Variants in MAPK10 observed in about 807,000 individuals in gnomAD.
The protein encoded by MAPK10 is mitogen-activated protein kinase 10, also known as JNK3 alpha protein kinase.
A neutral mutation model predicts 59.3 loss-of-function variants in MAPK10; 25 were observed. The observed-to-expected ratio is 0.42, with a 90% CI of 0.31 to 0.59. The LOEUF is 0.59. Ranked by LOEUF, MAPK10 falls within the 20% of genes least tolerant of loss-of-function variation. The probability of loss-of-function intolerance (pLI) is 0.15; values close to 1 mark genes in which losing one functional copy is unlikely to be tolerated. For missense variants in MAPK10, 351 were observed against 568.9 expected (o/e 0.62, Z 3.90); for synonymous variants, 190 against 200.5 (o/e 0.95, Z 0.44).
rs550078541 is a variant in MAPK10, at chr4:86,309,589, G to A, written c.-7+44941C>T. Among the ~76,000 whole-genome samples the A allele has an allele frequency of 3.1e-4, 47 of 152,196 alleles. No homozygotes were observed. In the South Asian group the frequency reaches 8.5e-3, roughly 28 times the overall value. On this transcript the variant is annotated intron_variant, in intron 2 of 13. Coordinates refer to ENST00000641462, the MANE Select transcript of MAPK10 (RefSeq NM_138982.4). ...TCTGGCTATAACCTAGAAATCGTTC[G>A]TGGTGGTCAAAAGTATGCCCCCAGA...
At chr4:86,238,365 T>C (rs1030894521) in intron 2 of MAPK10, among the ~76,000 whole-genome samples, 5 of 152,184 alleles carry the variant, frequency 3.3e-5, no homozygotes, top group Non-Finnish European at 7.4e-5. Flanking sequence ...TAAAATAGTT[T>C]TTTTCTAATT....
intron 3 of MAPK10, chr4:86,164,608 G>A (rs1033302567): frequency 6.9e-6 from 1 of 145,768 alleles, no homozygotes; most frequent in Non-Finnish European, 1.5e-5. Context: ...TTTTTAGTGA[G>A]TCACAGAAAT....
At chr4:86,249,056 A>C (rs1000420325) in intron 2 of MAPK10, among the ~76,000 whole-genome samples, 1 of 152,204 alleles carries the variant, frequency 6.6e-6, no homozygotes. Flanking sequence ...AGAAATCTAA[A>C]TAGGCCCAAG....
At chr4:86,533,127 T>C (rs1439460383) in intron 1 of MAPK10, among the ~76,000 whole-genome samples, 3 of 152,164 alleles carry the variant, frequency 2.0e-5, no homozygotes, top group African/African-American at 2.4e-5. Context: ...AAAAACATTA[T>C]GCTAAGTGAA....
chr4:86,103,837 T>C (rs115850152), intron 5 of MAPK10, among the ~76,000 whole-genome samples: 71 of 152,168 alleles, frequency 4.7e-4, no homozygotes, highest in Middle Eastern at 3.4e-3. Context: ...AAAAGCTTTT[T>C]GTTTCCTGCT....
chr4:86,109,690 G>A (rs2057144746), intron 4 of MAPK10, among the ~76,000 whole-genome samples: 1 of 152,122 alleles, frequency 6.6e-6, no homozygotes, highest in African/African-American at 2.4e-5. Context: ...GCGCTGCAAT[G>A]GACATATGCA....
At chr4:86,207,889 A>T (rs1002480409) in intron 2 of MAPK10, among the ~76,000 whole-genome samples, 15 of 149,074 alleles carry the variant, frequency 1.0e-4, no homozygotes, top group African/African-American at 3.6e-4. Flanking sequence ...ATTTTTGTAC[A>T]TTGATTTTGT....
intron 1 of MAPK10, among the ~76,000 whole-genome samples, chr4:86,417,730 C>T (rs933114445): frequency 2.0e-5 from 3 of 152,126 alleles, no homozygotes; most frequent in African/African-American, 7.2e-5. Flanking sequence ...TTACAAGATC[C>T]CACTGGATTT....
intron 2 of MAPK10, among the ~76,000 whole-genome samples, chr4:86,218,491 C>A (rs1476027422): frequency 2.2e-5 from 3 of 138,130 alleles, no homozygotes; most frequent in African/African-American, 8.0e-5. Context: ...AAAAGTTCAA[C>A]ATTTTAAATT....
At chr4:86,334,468 C>T (rs1293003641) in intron 2 of MAPK10, among the ~76,000 whole-genome samples, 1 of 152,114 alleles carries the variant, frequency 6.6e-6, no homozygotes, top group Non-Finnish European at 1.5e-5. Flanking sequence ...ACTTAAAAGT[C>T]TTCCATGTCA....
chr4:86,407,405 GA>G (rs1331687786), intron 1 of MAPK10, among the ~76,000 whole-genome samples: 1 of 152,064 alleles, frequency 6.6e-6, no homozygotes, highest in Non-Finnish European at 1.5e-5. Context: ...ACTTACAGGA[GA>G]AAAAAAGATG....
chr4:86,333,392 C>T (rs909893363), intron 2 of MAPK10, among the ~76,000 whole-genome samples: 2 of 152,146 alleles, frequency 1.3e-5, no homozygotes, highest in Admixed American at 1.3e-4. Context: ...AGTCCTAGCT[C>T]CTCACCTTCC....
chr4:86,275,674 C>A (rs1332435416), intron 2 of MAPK10, among the ~76,000 whole-genome samples: 1 of 152,002 alleles, frequency 6.6e-6, no homozygotes, highest in Non-Finnish European at 1.5e-5. Context: ...TTGCTCCAAC[C>A]TACTACCACT....
chr4:86,115,248 G>A (rs371005577), intron 4 of MAPK10, among the ~76,000 whole-genome samples: 4 of 152,142 alleles, frequency 2.6e-5, no homozygotes, highest in Non-Finnish European at 4.4e-5. Context: ...TTTCCCAGGC[G>A]GGGCAGCGCA....
chr4:86,064,645 A>G, intron 10 of MAPK10: 1 of 437,342 alleles, frequency 2.3e-6, no homozygotes, highest in Non-Finnish European at 4.1e-6. Flanking sequence ...ACTTCTTAGT[A>G]AAATGTATCA....
At chr4:86,243,388 A>G (rs1186883258) in intron 2 of MAPK10, among the ~76,000 whole-genome samples, 2 of 152,192 alleles carry the variant, frequency 1.3e-5, no homozygotes, top group Non-Finnish European at 2.9e-5. Flanking sequence ...TTAAAACACC[A>G]GATTGTGTCT....
intron 2 of MAPK10, among the ~76,000 whole-genome samples, chr4:86,279,858 C>T (rs1477321066): frequency 6.6e-6 from 1 of 152,108 alleles, no homozygotes; most frequent in Non-Finnish European, 1.5e-5. Context: ...TACGTTGTTT[C>T]CCGCCCATCT....
chr4:86,276,628 C>G (rs948011101), intron 2 of MAPK10, among the ~76,000 whole-genome samples: 1 of 152,108 alleles, frequency 6.6e-6, no homozygotes, highest in African/African-American at 2.4e-5. Flanking sequence ...CCCATCAACA[C>G]GTTAATCATT....
intron 2 of MAPK10, among the ~76,000 whole-genome samples, chr4:86,242,888 A>G (rs1314719581): frequency 2.0e-5 from 3 of 152,194 alleles, no homozygotes; most frequent in African/African-American, 7.2e-5. Context: ...CGATAGGCTT[A>G]AGCAGATTCT....
Sources: allele counts gnomAD v4.1 joint callset (sites outside exome capture counted in the v4.1 genomes callset), GRCh38; gene constraint gnomAD v4.1.1; transcripts MANE v1.5; gene names NCBI Gene and HGNC (gene_info 2026-07-23, HGNC 2026-07-21).